Variants in WASF1 observed in about 807,000 individuals in gnomAD.
The protein encoded by WASF1 is actin-binding protein WASF1.
WASF1 carries 7 observed loss-of-function variants against 50.5 expected under a neutral mutation model. The ratio of observed to expected loss-of-function variants is 0.14; its 90% CI spans 0.08 to 0.26. The LOEUF (loss-of-function observed/expected upper bound fraction) is 0.26. Among genes scored for constraint, WASF1 ranks in the 10% least tolerant of loss-of-function variants. WASF1 has a pLI of 1.00. For synonymous variants in WASF1, 205 were observed against 244.0 expected (o/e 0.84, Z 1.49); for missense variants, 470 against 694.7 (o/e 0.68, Z 3.64).
At chr6:110,173,258 T>C (rs1425149808) in intron 2 of WASF1, among the ~76,000 whole-genome samples, 1 of 151,990 alleles carries the variant, frequency 6.6e-6, no homozygotes, top group Non-Finnish European at 1.5e-5. Flanking sequence ...CTGGCTAGGT[T>C]AGGAATAAAG....
intron 3 of WASF1, among the ~76,000 whole-genome samples, chr6:110,148,609 T>C (rs1775686465): frequency 1.3e-5 from 2 of 152,076 alleles, no homozygotes; most frequent in African/African-American, 4.8e-5. Context: ...GGGGGTCAGA[T>C]TAGGTAGGAC....
At chr6:110,123,416 T>A (rs1051817815) in intron 4 of WASF1, among the ~76,000 whole-genome samples, 1 of 152,000 alleles carries the variant, frequency 6.6e-6, no homozygotes, top group African/African-American at 2.4e-5. Flanking sequence ...TAAGCCAAAA[T>A]AACTTGAAGA....
intron 3 of WASF1, among the ~76,000 whole-genome samples, chr6:110,143,070 C>A (rs116703908): frequency 2.0e-5 from 3 of 150,618 alleles, no homozygotes; most frequent in Non-Finnish European, 4.4e-5. Flanking sequence ...GTTGAGAGTA[C>A]GTAAACTAAA....
At chr6:110,166,849 C>A (rs1469750271) in intron 2 of WASF1, among the ~76,000 whole-genome samples, 1 of 151,824 alleles carries the variant, frequency 6.6e-6, no homozygotes, top group Non-Finnish European at 1.5e-5. Context: ...TAGCATAAAG[C>A]CTGGCATATA....
chr6:110,100,444 T>C lies in WASF1; in HGVS notation c.*78A>G, dbSNP rs1421357413. 3 of 1,372,672 alleles carry C rather than the reference T, an allele frequency of 2.2e-6. No individual in the cohort carries two copies. The highest frequency in any genetic ancestry group is 2.6e-5 in the East Asian group (1 of 38,662). 85.0% of individuals were successfully genotyped at this position (1,372,672 alleles called of 1,614,324 possible). A position where few individuals can be genotyped will look rare whatever the true frequency, so the allele number is the denominator to read the frequency against. ...AGGAAAAGAAAGCAAAACACTAGAATGACCAAACATTTTCAAGGAACAAGC... is the reference window on the plus strand; with the variant it reads ...AGGAAAAGAAAGCAAAACACTAGAACGACCAAACATTTTCAAGGAACAAGC... On this transcript the variant is annotated 3_prime_UTR_variant, in exon 11 of 11. Coordinates refer to ENST00000392589, the MANE Select transcript of WASF1 (RefSeq NM_003931.3).
rs749441491 is a variant in WASF1, at chr6:110,160,626, T to C, written c.-29+9A>G. 6.6e-5 allele frequency: 10 copies of C among 151,762 alleles called. No homozygotes were observed. The highest frequency in any genetic ancestry group is 1.5e-4 in the Non-Finnish European group (10 of 67,764). 9.4% of individuals were successfully genotyped at this position (151,762 alleles called of 1,614,324 possible). ...GTTGCCATTGAGATACATTACTTCTTAATTTTACCTTGAAGATTTTAACGA... is the reference window on the plus strand; with the variant it reads ...GTTGCCATTGAGATACATTACTTCTCAATTTTACCTTGAAGATTTTAACGA... On this transcript the variant is annotated intron_variant, in intron 3 of 10. Transcript: ENST00000392589.
intron 3 of WASF1, among the ~76,000 whole-genome samples, chr6:110,146,429 C>T (rs986906284): frequency 6.6e-6 from 1 of 151,668 alleles, no homozygotes; most frequent in Admixed American, 6.6e-5. Flanking sequence ...AATAAACTCC[C>T]ATGCCAATGA....
intron 3 of WASF1, among the ~76,000 whole-genome samples, chr6:110,135,747 A>T (rs775424609): frequency 0.082 from 4,984 of 60,444 alleles, 179 homozygotes; most frequent in African/African-American, 0.12. Flanking sequence ...TTTTTTTTTT[A>T]CCAATTACTG....
At chr6:110,108,864 C>A (rs551742791) in intron 5 of WASF1, among the ~76,000 whole-genome samples, 183 bp from the exon 6 acceptor site, 1 of 152,094 alleles carries the variant, frequency 6.6e-6, no homozygotes, top group African/African-American at 2.4e-5. Context: ...TATCATTCTG[C>A]GCCTAATTTT....
intron 3 of WASF1, among the ~76,000 whole-genome samples, chr6:110,135,295 T>TGATC (rs1292040857): frequency 3.3e-5 from 5 of 151,432 alleles, no homozygotes; most frequent in Non-Finnish European, 5.9e-5. Context: ...TCTAGGTATA[T>TGATC]GATCATTTCA....
chr6:110,122,154 T>C (rs990408551), intron 4 of WASF1, among the ~76,000 whole-genome samples: 1 of 151,114 alleles, frequency 6.6e-6, no homozygotes, highest in African/African-American at 2.4e-5. Flanking sequence ...CTGCACACTA[T>C]GCACATGTAC....
chr6:110,112,575 C>T (rs113168428), intron 5 of WASF1, among the ~76,000 whole-genome samples: 1,935 of 152,236 alleles, frequency 0.013, 47 homozygotes, highest in African/African-American at 0.045. Flanking sequence ...ACTAATAAGA[C>T]TTTAGCAATA....
intron 2 of WASF1, among the ~76,000 whole-genome samples, chr6:110,175,772 G>A (rs1338075496): frequency 1.3e-5 from 2 of 152,130 alleles, no homozygotes; most frequent in Admixed American, 1.3e-4. Flanking sequence ...TCCACTGGGT[G>A]AAAGAGAACA....
intron 3 of WASF1, among the ~76,000 whole-genome samples, chr6:110,135,142 G>A (rs971564190): frequency 6.6e-6 from 1 of 152,128 alleles, no homozygotes; most frequent in Admixed American, 6.5e-5. Context: ...ATTATAAAAG[G>A]GTTTGAGTTC....
chr6:110,134,078 C>A (rs1218242244), intron 3 of WASF1, among the ~76,000 whole-genome samples: 1 of 151,736 alleles, frequency 6.6e-6, no homozygotes. Flanking sequence ...CCACCACGCC[C>A]AGCTAATTTT....
intron 3 of WASF1, among the ~76,000 whole-genome samples, chr6:110,145,793 T>C (rs928480552): frequency 2.0e-5 from 3 of 152,184 alleles, no homozygotes; most frequent in Non-Finnish European, 2.9e-5. Flanking sequence ...TGGAATATTA[T>C]GCAGTCATAA....
At position 110,141,287 on chromosome 6, in the gene WASF1, C is replaced by T. The variant is rs147755906; in HGVS notation, c.-28-13658G>A. 2.0e-3 allele frequency among the ~76,000 whole-genome samples: 301 copies of T among 152,276 alleles called. 2 individuals are homozygous for T. The highest frequency in any genetic ancestry group is 7.0e-3 in the African/African-American group (292 of 41,544). ...ACTTCTACCCTCATTTCTCACTACA[C>T]TCCTACATTATACTCTAATTATTCT... On this transcript the variant is annotated intron_variant, in intron 3 of 10. Coordinates refer to ENST00000392589, the MANE Select transcript of WASF1 (RefSeq NM_003931.3).
intron 7 of WASF1, among the ~76,000 whole-genome samples, chr6:110,106,557 T>C (rs1773334401): frequency 6.6e-6 from 1 of 152,202 alleles, no homozygotes; most frequent in South Asian, 2.1e-4. Flanking sequence ...ACAAGTGAAT[T>C]TTATTAGAAA....
intron 3 of WASF1, among the ~76,000 whole-genome samples, chr6:110,145,400 T>C (rs1046038390): frequency 3.9e-5 from 6 of 152,206 alleles, no homozygotes; most frequent in Non-Finnish European, 5.9e-5. Context: ...TCATGTCATC[T>C]GCAAACAGGG....
Sources: gnomAD v4.1 joint callset for allele counts (sites outside exome capture counted in the v4.1 genomes callset) on GRCh38, gnomAD v4.1.1 for gene constraint, MANE v1.5 for transcripts, NCBI Gene and HGNC (gene_info 2026-07-23, HGNC 2026-07-21) for gene names.